Variants in CRPPA observed in about 807,000 individuals in gnomAD.
CRPPA encodes the protein D-ribitol-5-phosphate cytidylyltransferase.
Under a neutral mutation model 52.0 loss-of-function variants are expected in CRPPA, and 43 were observed. The ratio of observed to expected loss-of-function variants is 0.83; its 90% CI spans 0.65 to 1.07. The LOEUF (loss-of-function observed/expected upper bound fraction) is 1.07. Among genes scored for constraint, CRPPA ranks in the 50% least tolerant of loss-of-function variants. CRPPA has a pLI of 0.00. For synonymous variants in CRPPA, 250 were observed against 203.5 expected (o/e 1.23, Z -1.94); for missense variants, 629 against 551.7 (o/e 1.14, Z -1.40).
intron 4 of CRPPA, among the ~76,000 whole-genome samples, chr7:16,303,662 A>G (rs918763029): frequency 6.6e-5 from 10 of 152,200 alleles, no homozygotes; most frequent in African/African-American, 2.4e-4. Flanking sequence ...TTCCTTACCA[A>G]TCATATACAT....
chr7:16,374,344 G>A (rs1786825137), intron 3 of CRPPA, among the ~76,000 whole-genome samples: 1 of 152,128 alleles, frequency 6.6e-6, no homozygotes, highest in Non-Finnish European at 1.5e-5. Context: ...TTTGAAGGCT[G>A]CACTCTCAAC....
At chr7:16,396,691 T>C (rs1278348354) in intron 2 of CRPPA, among the ~76,000 whole-genome samples, 1 of 152,120 alleles carries the variant, frequency 6.6e-6, no homozygotes, top group African/African-American at 2.4e-5. Flanking sequence ...CACCAGTCAA[T>C]GAGTAGATAG....
At chr7:16,094,499 G>T (rs1781896694) in intron 9 of CRPPA, among the ~76,000 whole-genome samples, 1 of 151,984 alleles carries the variant, frequency 6.6e-6, no homozygotes, top group African/African-American at 2.4e-5. Context: ...CAAAAAAAAT[G>T]GTTTTAATCC....
At chr7:16,166,076 A>T (rs562313679) in intron 9 of CRPPA, among the ~76,000 whole-genome samples, 20 of 152,356 alleles carry the variant, frequency 1.3e-4, no homozygotes, top group African/African-American at 3.8e-4. Flanking sequence ...CTTAAATGTT[A>T]TAACACCATT....
chr7:16,287,844 C>T (rs891756910), intron 5 of CRPPA, among the ~76,000 whole-genome samples: 1 of 146,978 alleles, frequency 6.8e-6, no homozygotes, highest in Non-Finnish European at 1.5e-5. Context: ...ATCACTTGAA[C>T]CTGGGAAGCA....
chr7:16,401,922 TCAAA>T (rs1307311686), intron 2 of CRPPA, among the ~76,000 whole-genome samples: 2 of 152,148 alleles, frequency 1.3e-5, no homozygotes, highest in Non-Finnish European at 2.9e-5. Context: ...ATGTCTGGAC[TCAAA>T]CAATCACCTA....
chr7:16,399,103 C>T (rs1201674012), intron 2 of CRPPA, among the ~76,000 whole-genome samples: 2 of 152,040 alleles, frequency 1.3e-5, no homozygotes, highest in African/African-American at 2.4e-5. Flanking sequence ...TAGACGTGAT[C>T]GTCATTTTGG....
intron 6 of CRPPA, among the ~76,000 whole-genome samples, chr7:16,264,520 A>G (rs2128414159): frequency 6.6e-6 from 1 of 152,346 alleles, no homozygotes; most frequent in South Asian, 2.1e-4. Context: ...GATTGTCAAA[A>G]AAGTTTTCAT....
In CRPPA at chr7:16,258,464, G is replaced by T. The variant is rs774852908; in HGVS notation, c.1045C>A (p.Gln349Lys). The T allele has an allele frequency of 1.9e-6, 3 of 1,601,292 alleles. No individual in the cohort carries two copies. Among genetic ancestry groups the T allele is most frequent in the Admixed American group, 3.4e-5 (2 of 58,536 alleles). ...VCVNVTTSDF[Q>K]ETQKLLSMLE... Reference sequence around the variant, plus strand: ...ATGCTCAGTAACTTCTGGGTTTCTTGAAAATCAGAGGTTGTAACCTAAAAG... The same window carrying T: ...ATGCTCAGTAACTTCTGGGTTTCTTTAAAATCAGAGGTTGTAACCTAAAAG... The change falls in exon 8 of 10, where the codon CAA becomes AAA. Residue 349 changes from glutamine to lysine, a missense_variant. By Grantham distance (53) the Gln-to-Lys change is moderately conservative. Transcript: ENST00000407010.
At chr7:16,282,485 G>A (rs987647506) in intron 5 of CRPPA, among the ~76,000 whole-genome samples, 1 of 152,056 alleles carries the variant, frequency 6.6e-6, no homozygotes, top group Non-Finnish European at 1.5e-5. Context: ...AGAAGAAAGG[G>A]TGACGGAAAA....
chr7:16,111,269 T>C (rs1782258791), intron 9 of CRPPA, among the ~76,000 whole-genome samples: 1 of 151,926 alleles, frequency 6.6e-6, no homozygotes, highest in Non-Finnish European at 1.5e-5. Flanking sequence ...ACCAAGAAGA[T>C]AAAAGATAAG....
At chr7:16,385,930 G>A (rs753486408) in intron 2 of CRPPA, among the ~76,000 whole-genome samples, 3 of 152,194 alleles carry the variant, frequency 2.0e-5, no homozygotes, top group African/African-American at 4.8e-5. Flanking sequence ...GCGTCTAGGG[G>A]TGGGTACCCA....
intron 8 of CRPPA, among the ~76,000 whole-genome samples, chr7:16,222,998 C>G (rs1242607356): frequency 2.0e-5 from 3 of 152,112 alleles, no homozygotes; most frequent in Non-Finnish European, 4.4e-5. Flanking sequence ...TACATTAACT[C>G]TTGTCAATCT....
intron 3 of CRPPA, among the ~76,000 whole-genome samples, chr7:16,363,845 A>C (rs1248864836): frequency 2.0e-5 from 3 of 152,204 alleles, no homozygotes; most frequent in Admixed American, 1.3e-4. Flanking sequence ...AATAGAAACA[A>C]CACCAGAGTT....
chr7:16,364,681 A>C (rs1209586478), intron 3 of CRPPA, among the ~76,000 whole-genome samples: 1 of 152,204 alleles, frequency 6.6e-6, no homozygotes, highest in Non-Finnish European at 1.5e-5. Context: ...TAAGCACCAC[A>C]AAACATCCAG....
chr7:16,160,501 G>A (rs564102325), intron 9 of CRPPA, among the ~76,000 whole-genome samples: 1 of 152,228 alleles, frequency 6.6e-6, no homozygotes, highest in Non-Finnish European at 1.5e-5. Context: ...TATTTCTGAG[G>A]CCTCTGTTCT....
chr7:16,348,117 T>A (rs984971239), intron 3 of CRPPA, among the ~76,000 whole-genome samples: 12 of 152,268 alleles, frequency 7.9e-5, no homozygotes, highest in African/African-American at 2.9e-4. Flanking sequence ...AGCTAGATAA[T>A]ACCTTGCTGG....
intron 9 of CRPPA, among the ~76,000 whole-genome samples, chr7:16,124,412 T>G (rs1782536441): frequency 6.6e-6 from 1 of 152,178 alleles, no homozygotes; most frequent in African/African-American, 2.4e-5. Flanking sequence ...AAAAAAAGAA[T>G]GAAATTCTGT....
At chr7:16,178,841 TGTG>T (rs1372709299) in intron 9 of CRPPA, among the ~76,000 whole-genome samples, 1 of 152,142 alleles carries the variant, frequency 6.6e-6, no homozygotes, top group Non-Finnish European at 1.5e-5. Context: ...ATGTATTAAT[TGTG>T]TCTTTATTAT....
Sources: gnomAD v4.1 joint callset for allele counts (sites outside exome capture counted in the v4.1 genomes callset) on GRCh38, gnomAD v4.1.1 for gene constraint, MANE v1.5 for transcripts, NCBI Gene and HGNC (gene_info 2026-07-23, HGNC 2026-07-21) for gene names.